Variants in SPEN observed in about 807,000 individuals in gnomAD.
SPEN encodes the protein spen family transcriptional repressor, also known as msx2-interacting protein.
In SPEN, 18 loss-of-function variants were observed where a neutral mutation model predicts 269.9. The ratio of observed to expected loss-of-function variants is 0.07; its 90% CI spans 0.05 to 0.10. SPEN has a LOEUF of 0.10. Ranked by LOEUF, SPEN falls within the 10% of genes least tolerant of loss-of-function variation. SPEN has a pLI of 1.00. For synonymous variants in SPEN, 1,726 were observed against 1,765.7 expected (o/e 0.98, Z 0.56); for missense variants, 3,822 against 4,631.2 (o/e 0.83, Z 5.07).
chr1:15,859,936 G>A (rs1390351134), intron 1 of SPEN, among the ~76,000 whole-genome samples: 1 of 60,148 alleles, frequency 1.7e-5, no homozygotes, highest in African/African-American at 8.8e-5. Context: ...TTTTGAGACG[G>A]AGTCTTGCTC....
chr1:15,855,889 G>C (rs1211384419), intron 1 of SPEN, among the ~76,000 whole-genome samples: 1 of 150,858 alleles, frequency 6.6e-6, no homozygotes, highest in Non-Finnish European at 1.5e-5. Context: ...TATGCTGTTT[G>C]CAGTGAAGGC....
At chr1:15,875,448 A>G (rs1398426954) in intron 2 of SPEN, among the ~76,000 whole-genome samples, 1 of 152,214 alleles carries the variant, frequency 6.6e-6, no homozygotes, top group Non-Finnish European at 1.5e-5. Flanking sequence ...AGGCATTTTT[A>G]AAGTCATTTG....
At chr1:15,910,388 T>A (rs2071001365) in intron 4 of SPEN, among the ~76,000 whole-genome samples, 1 of 152,080 alleles carries the variant, frequency 6.6e-6, no homozygotes, top group Non-Finnish European at 1.5e-5. Flanking sequence ...GCATGCTACA[T>A]GACACTTCTC....
chr1:15,859,287 G>A (rs929774644), intron 1 of SPEN, among the ~76,000 whole-genome samples: 2 of 149,522 alleles, frequency 1.3e-5, no homozygotes, highest in African/African-American at 4.9e-5. Flanking sequence ...TGCCAAGTAT[G>A]TAGGATTACA....
Position 15,937,327 on chromosome 1 carries a change from G to C in SPEN, c.10191G>C (p.Thr3397=). The change falls in exon 12 of 15, where the codon ACG becomes ACC. Residue 3397 remains threonine (T), a synonymous_variant. Transcript: ENST00000375759. The surrounding 1 kb of genome is among the most constrained non-coding windows in gnomAD (Gnocchi z 5.7). ...QVSQEAKGTQ[T]GVEQPRLPAG... ...CCCAGGAGGCAAAGGGGACCCAGAC[G>C]GGAGTAGAGCAGCCTCGCCTCCCAG... 1 of 1,613,918 alleles carries C rather than the reference G, an allele frequency of 6.2e-7. No homozygotes were observed. Among genetic ancestry groups the C allele is most frequent in the Non-Finnish European group, 8.5e-7 (1 of 1,180,004 alleles).
At position 15,933,378 on chromosome 1, in the gene SPEN, G is replaced by A. The variant is rs373613528; in HGVS notation, c.7138G>A (p.Ala2380Thr). Residue 2380 changes from alanine (A) to threonine (T), a missense_variant, in exon 11 of 15, where the codon GCC becomes ACC. Around this residue, in one of 16 missense-constraint regions of SPEN, gnomAD observed 727 missense variants for 737.9 expected, o/e 0.99. Transcript: ENST00000375759. This position sits in a 1 kb window ranked among gnomAD's most constrained non-coding sequence, Gnocchi z 5.7. ...NEGTTVQHPE[A>T]PQEEKQSEKP... ...GGGGACAACAGTACAGCACCCCGAAGCCCCACAGGAAGAAAAGCAGAGTGA... is the reference window on the plus strand; with the variant it reads ...GGGGACAACAGTACAGCACCCCGAAACCCCACAGGAAGAAAAGCAGAGTGA... 90 of 1,614,006 alleles carry A rather than the reference G, an allele frequency of 5.6e-5. No individual in the cohort carries two copies. Among genetic ancestry groups the A allele is most frequent in the Non-Finnish European group, 7.6e-5 (90 of 1,180,034 alleles).
chr1:15,848,120 G>A lies in SPEN; in HGVS notation c.53G>A (p.Arg18Gln). Residue 18 changes from arginine to glutamine, a missense_variant, in exon 1 of 15, where the codon CGG becomes CAG. By Grantham distance (43) the Arg-to-Gln change is conservative (BLOSUM62 1). Coordinates refer to ENST00000375759, the MANE Select transcript of SPEN (RefSeq NM_015001.3). This position sits in a 1 kb window ranked among gnomAD's most constrained non-coding sequence, Gnocchi z 5.1. Reference sequence around the variant, plus strand: ...GTGGGCAACTTACCCGAGAACGTGCGGGAAGAGAAGATCATCGAGCATTTC... The same window carrying A: ...GTGGGCAACTTACCCGAGAACGTGCAGGAAGAGAAGATCATCGAGCATTTC... ...LWVGNLPENVREEKIIEHFKR... is the reference protein window; with the variant it reads ...LWVGNLPENVQEEKIIEHFKR... 6.7e-7 allele frequency: 1 copy of A among 1,500,390 alleles called. No homozygotes were observed. The highest frequency in any genetic ancestry group is 9.0e-7 in the Non-Finnish European group (1 of 1,117,174). 92.9% of individuals were successfully genotyped at this position (1,500,390 alleles called of 1,614,324 possible).
intron 7 of SPEN, among the ~76,000 whole-genome samples, 159 bp from the exon 8 acceptor site, chr1:15,919,241 CAGGA>C (rs1352686082): frequency 6.6e-6 from 1 of 152,096 alleles, no homozygotes; most frequent in Non-Finnish European, 1.5e-5. Context: ...ATTAGCCAGG[CAGGA>C]TTTTTTTTGT....
intron 10 of SPEN, among the ~76,000 whole-genome samples, chr1:15,925,333 G>A (rs530541417): frequency 6.6e-6 from 1 of 152,278 alleles, no homozygotes; most frequent in East Asian, 1.9e-4. Context: ...ATACTCTGTG[G>A]TTTTGTGAAC....
chr1:15,884,628 G>A (rs1054947049), intron 3 of SPEN, among the ~76,000 whole-genome samples: 1 of 152,110 alleles, frequency 6.6e-6, no homozygotes, highest in Non-Finnish European at 1.5e-5. Context: ...AGTTTCTTAT[G>A]ATACGTGGCA....
In SPEN at chr1:15,928,528, G is replaced by A. The variant is rs2148737987; in HGVS notation, c.2288G>A (p.Ser763Asn). ...RRLYSRSSDR[S>N]GSCSSLSPPR... ...CTTTACAGCCGATCCTCAGACCGGAGTGGAAGCTGTAGCTCACTCTCCCCT... is the reference window on the plus strand; with the variant it reads ...CTTTACAGCCGATCCTCAGACCGGAATGGAAGCTGTAGCTCACTCTCCCCT... The change falls in exon 11 of 15, where the codon AGT (serine) becomes AAT (asparagine). Residue 763 changes from serine to asparagine, a missense_variant. By Grantham distance (46) the Ser-to-Asn change is conservative (BLOSUM62 1). Coordinates refer to ENST00000375759, the MANE Select transcript of SPEN (RefSeq NM_015001.3). This position sits in a 1 kb window ranked among gnomAD's most constrained non-coding sequence, Gnocchi z 5.7. The A allele has an allele frequency of 6.2e-7, 1 of 1,614,170 alleles. No homozygotes were observed. The highest frequency in any genetic ancestry group is 8.5e-7 in the Non-Finnish European group (1 of 1,180,044).
At chr1:15,927,588 A>G (rs1412645334) in intron 10 of SPEN, among the ~76,000 whole-genome samples, 1 of 152,214 alleles carries the variant, frequency 6.6e-6, no homozygotes, top group Non-Finnish European at 1.5e-5. Flanking sequence ...TTTATAGAAT[A>G]GTAATTTTGT....
At chr1:15,879,079 C>G (rs1295663722) in intron 3 of SPEN, among the ~76,000 whole-genome samples, 3 of 150,830 alleles carry the variant, frequency 2.0e-5, no homozygotes, top group Admixed American at 6.6e-5. Flanking sequence ...TGGCTCACAC[C>G]TGTAATTCCA....
intron 3 of SPEN, among the ~76,000 whole-genome samples, chr1:15,877,294 A>G (rs1171086669): frequency 6.6e-6 from 1 of 152,210 alleles, no homozygotes; most frequent in African/African-American, 2.4e-5. Context: ...TTTTAAAGAC[A>G]GTCTCACTGT....
At position 15,919,492 on chromosome 1, in the gene SPEN, T is replaced by G. The variant is rs2071096495; in HGVS notation, c.1610T>G (p.Phe537Cys). 1 of 1,604,526 alleles carries G rather than the reference T, an allele frequency of 6.2e-7. No individual in the cohort carries two copies. The highest frequency in any genetic ancestry group is 1.8e-5 in the Admixed American group (1 of 56,232). ...NVSDQYLTRH[F>C]CRYGPVVKVV... is the part of the protein sequence containing the mutation. ...TCAGATCAGTATTTAACACGACATT[T>G]CTGCCGATATGGGCCTGTGGTAAAG... The change falls in exon 8 of 15, where the codon TTC (phenylalanine) becomes TGC (cysteine). Residue 537 changes from phenylalanine (F) to cysteine (C), a missense_variant. By Grantham distance (205) the Phe-to-Cys change is radical. Transcript: ENST00000375759.
chr1:15,882,189 G>A (rs765750669), intron 3 of SPEN, among the ~76,000 whole-genome samples: 7 of 152,238 alleles, frequency 4.6e-5, no homozygotes, highest in Admixed American at 2.6e-4. Flanking sequence ...TGTACTGCTC[G>A]ACGTCTTTTT....
At chr1:15,870,776 G>A (rs566511764) in intron 1 of SPEN, among the ~76,000 whole-genome samples, 14 of 152,162 alleles carry the variant, frequency 9.2e-5, no homozygotes, top group African/African-American at 3.4e-4. Flanking sequence ...GAATTCCTTG[G>A]ATTTTAGCAT....
intron 3 of SPEN, among the ~76,000 whole-genome samples, chr1:15,894,118 C>A (rs997925542): frequency 6.6e-6 from 1 of 152,202 alleles, no homozygotes; most frequent in Admixed American, 6.5e-5. Flanking sequence ...CACACACTCA[C>A]TTGATCTGTG....
In SPEN at chr1:15,922,352, A is replaced by G. The variant is rs371864600; in HGVS notation, c.1850+3A>G. 79 of 1,594,442 alleles carry G rather than the reference A, an allele frequency of 5.0e-5. No individual in the cohort carries two copies. The African/African-American group carries it at 7.9e-4, about 16-fold the overall frequency. ...TATGAAATGTTAGCCGAAAGAAGGT[A>G]TGTATTTTAAACTTACCAGTGTAGC... is the stretch of plus-strand genomic sequence containing the variant. On this transcript the variant is annotated splice_donor_region_variant and intron_variant, in intron 10 of 14. Coordinates refer to ENST00000375759, the MANE Select transcript of SPEN (RefSeq NM_015001.3).
Sources: gnomAD v4.1 joint callset for allele counts (sites outside exome capture counted in the v4.1 genomes callset) on GRCh38, gnomAD v4.1.1 for gene constraint, gnomAD v4.1.1 regional missense constraint, Gnocchi (gnomAD v3.1) non-coding constraint, MANE v1.5 for transcripts, NCBI Gene and HGNC (gene_info 2026-07-23, HGNC 2026-07-21) for gene names.